CCDC66: variants seen among roughly 807,000 people sequenced by gnomAD.
The protein encoded by CCDC66 is coiled-coil domain containing 66.
CCDC66 carries 133 observed loss-of-function variants against 128.3 expected under a neutral mutation model. The ratio of observed to expected loss-of-function variants is 1.04; its 90% CI spans 0.90 to 1.20. CCDC66 has a LOEUF of 1.20. Among genes scored for constraint, CCDC66 ranks in the 50% most tolerant of loss-of-function variants. The pLI, the probability that CCDC66 is intolerant of heterozygous loss-of-function variation, is 0.00. For missense variants in CCDC66, 1,126 were observed against 1,075.5 expected (o/e 1.05, Z -0.66); for synonymous variants, 387 against 357.0 (o/e 1.08, Z -0.95).
chr3:56,597,792 T>TTTTTTTTTTTTTTTTTTTTTTTTTG (rs2072348913), intron 10 of CCDC66, among the ~76,000 whole-genome samples: 1 of 143,256 alleles, frequency 7.0e-6, no homozygotes, highest in Admixed American at 7.0e-5. Flanking sequence ...TTTTTTTTTT[T>TTTTTTTTTTTTTTTTTTTTTTTTTG]GAGACAGAGC....
chr3:56,621,514 A>AT lies in CCDC66; in HGVS notation c.2761-17dup, dbSNP rs746308275. ...GTGTGCACATTTTACTAACAAACAT[A>AT]TATCAATGTGATTTCAGGGCCTTCT... On this transcript the variant is annotated splice_polypyrimidine_tract_variant and intron_variant, in intron 17 of 17. Coordinates refer to ENST00000394672, the MANE Select transcript of CCDC66 (RefSeq NM_001141947.3). 3 of 1,534,538 alleles carry AT rather than the reference A, an allele frequency of 2.0e-6. No individual in the cohort carries two copies. Among genetic ancestry groups the AT allele is most frequent in the Middle Eastern group, 1.7e-4 (1 of 5,828 alleles).
chr3:56,558,560 GGT>G (rs1294730066), intron 1 of CCDC66, among the ~76,000 whole-genome samples: 4 of 152,146 alleles, frequency 2.6e-5, no homozygotes, highest in East Asian at 1.9e-4. Context: ...ATTAAAAAAT[GGT>G]GGTATGATAA....
rs556605543 is a variant in CCDC66, at chr3:56,558,246, T to G, written c.12-600T>G. Among the ~76,000 whole-genome samples the G allele has an allele frequency of 4.1e-4, 63 of 152,352 alleles. No homozygotes were observed. In the South Asian group the frequency reaches 0.011, roughly 27 times the overall value. On this transcript the variant is annotated intron_variant, in intron 1 of 17. Coordinates refer to ENST00000394672, the MANE Select transcript of CCDC66 (RefSeq NM_001141947.3). ...TATGGGCTGCCATTTTTGTTCTCAG[T>G]GGAGTTTTAGGACCTTAACAGACGT...
chr3:56,564,041 C>G lies in CCDC66; in HGVS notation c.460C>G (p.Gln154Glu), dbSNP rs768856982. 6.2e-7 allele frequency: 1 copy of G among 1,613,982 alleles called. No homozygotes were observed. Among genetic ancestry groups the G allele is most frequent in the South Asian group, 1.1e-5 (1 of 91,082 alleles). ...NMKSSLVCLT[Q>E]DQLQQILMTV... ...GAAGAGCAGTTTGGTGTGTCTAACA[C>G]AAGACCAACTACAACAGATTTTGAT... Residue 154 changes from glutamine (Q) to glutamate (E), a missense_variant, in exon 4 of 18, where the codon CAA becomes GAA. Gln to Glu is a conservative substitution (Grantham distance 29). Coordinates refer to ENST00000394672, the MANE Select transcript of CCDC66 (RefSeq NM_001141947.3).
In CCDC66 at chr3:56,604,576, C is replaced by T. The variant is rs868579110; in HGVS notation, c.1405-9013C>T. On this transcript the variant is annotated intron_variant, in intron 10 of 17. Transcript: ENST00000394672. ...GATATGAAATTCCGGGTTGAAAATT[C>T]TTTTTTTTTTTTAAGAATGTTGAAT... Among the ~76,000 whole-genome samples the T allele has an allele frequency of 7.6e-3, 1,105 of 144,810 alleles. 25 individuals carry two copies. The highest frequency in any genetic ancestry group is 0.026 in the African/African-American group (1,024 of 39,440).
chr3:56,589,393 A>G (rs992719878), intron 7 of CCDC66, among the ~76,000 whole-genome samples: 5 of 152,196 alleles, frequency 3.3e-5, no homozygotes, highest in Non-Finnish European at 7.4e-5. Context: ...TAGGTTGTTT[A>G]TAAGGGTAGT....
At chr3:56,558,699 T>C in intron 1 of CCDC66, 147 bp from the exon 2 acceptor site, 1 of 688,540 alleles carries the variant, frequency 1.5e-6, no homozygotes, top group Non-Finnish European at 2.6e-6. Flanking sequence ...GCAAACGTTT[T>C]TAATTAAAAC....
At chr3:56,580,675 G>A (rs6765870) in intron 7 of CCDC66, among the ~76,000 whole-genome samples, 49,518 of 151,466 alleles carry the variant, frequency 0.33, 8,953 homozygotes, top group East Asian at 0.53. Flanking sequence ...ATGAAGCTTA[G>A]TTTGGCTGGA....
chr3:56,587,263 T>A (rs978697194), intron 7 of CCDC66, among the ~76,000 whole-genome samples: 12 of 151,920 alleles, frequency 7.9e-5, no homozygotes, highest in African/African-American at 2.9e-4. Context: ...TCAACAAATT[T>A]CATAGGTTCA....
intron 10 of CCDC66, among the ~76,000 whole-genome samples, chr3:56,598,009 C>T (rs944087727): frequency 6.6e-6 from 1 of 151,730 alleles, no homozygotes; most frequent in African/African-American, 2.4e-5. Flanking sequence ...CTCCTGACCT[C>T]AGGTGATCCA....
intron 16 of CCDC66, 35 bp from the exon 17 acceptor site, chr3:56,619,742 T>C (rs965140869): frequency 1.9e-6 from 3 of 1,610,316 alleles, no homozygotes; most frequent in Admixed American, 3.4e-5. Flanking sequence ...TTTACTAATG[T>C]AATTGACTGA....
rs1421834621 is a variant in CCDC66, at chr3:56,621,512, A to G, written c.2761-20A>G. 6.6e-7 allele frequency: 1 copy of G among 1,519,822 alleles called. No homozygotes were observed. The highest frequency in any genetic ancestry group is 9.0e-7 in the Non-Finnish European group (1 of 1,113,506). 94.1% of individuals were successfully genotyped at this position (1,519,822 alleles called of 1,614,324 possible). Reference sequence around the variant, plus strand: ...AGGTGTGCACATTTTACTAACAAACATATATCAATGTGATTTCAGGGCCTT... The same window carrying G: ...AGGTGTGCACATTTTACTAACAAACGTATATCAATGTGATTTCAGGGCCTT... On this transcript the variant is annotated intron_variant, in intron 17 of 17. Coordinates refer to ENST00000394672, the MANE Select transcript of CCDC66 (RefSeq NM_001141947.3).
chr3:56,597,182 C>G (rs2107029652), intron 10 of CCDC66, among the ~76,000 whole-genome samples: 1 of 152,128 alleles, frequency 6.6e-6, no homozygotes, highest in East Asian at 1.9e-4. Flanking sequence ...ATGTTCTTGA[C>G]ACTTTTGTTG....
At chr3:56,621,495 A>G in intron 17 of CCDC66, 37 bp from the exon 18 acceptor site, 1 of 1,300,334 alleles carries the variant, frequency 7.7e-7, no homozygotes. Flanking sequence ...TCAGGTGTGC[A>G]CATTTTACTA....
intron 7 of CCDC66, among the ~76,000 whole-genome samples, chr3:56,578,419 G>T (rs1252505000): frequency 6.6e-6 from 1 of 151,650 alleles, no homozygotes; most frequent in East Asian, 2.0e-4. Context: ...ATACCTGATT[G>T]CCCTGGCCAG....
At chr3:56,577,862 A>C (rs1273020936) in intron 7 of CCDC66, among the ~76,000 whole-genome samples, 1 of 151,870 alleles carries the variant, frequency 6.6e-6, no homozygotes, top group Non-Finnish European at 1.5e-5. Context: ...TGATGCCTCC[A>C]GCTTTGTTCT....
In CCDC66 at chr3:56,564,012, A is replaced by G. The variant is rs773613935; in HGVS notation, c.431A>G (p.Asn144Ser). 8 of 1,614,048 alleles carry G rather than the reference A, an allele frequency of 5.0e-6. No homozygotes were observed. In the South Asian group the frequency reaches 7.7e-5, roughly 16 times the overall value. Reference sequence around the variant, plus strand: ...CACAAAAAACACATCACAGCTGAAAACATGAAGAGCAGTTTGGTGTGTCTA... The same window carrying G: ...CACAAAAAACACATCACAGCTGAAAGCATGAAGAGCAGTTTGGTGTGTCTA... The part of the protein sequence containing the change: ...KPHKKHITAE[N>S]MKSSLVCLTQ... Residue 144 changes from asparagine (N) to serine (S), a missense_variant, in exon 4 of 18, where the codon AAC (asparagine) becomes AGC (serine). By Grantham distance (46) the Asn-to-Ser change is conservative. Transcript: ENST00000394672.
intron 7 of CCDC66, among the ~76,000 whole-genome samples, chr3:56,574,401 G>A (rs1262899767): frequency 2.0e-5 from 3 of 151,376 alleles, no homozygotes; most frequent in South Asian, 2.1e-4. Flanking sequence ...ATTTGTATGC[G>A]AATGTGGTAC....
In CCDC66 at chr3:56,563,790, A is replaced by G. The variant is rs564843876; in HGVS notation, c.209A>G (p.Lys70Arg). ...TCIGSEKLLQ[K>R]KPVGSETSQA... ...ATTGGGAGTGAAAAACTTTTGCAAA[A>G]GAAGCCAGTTGGTTCAGAAACATCA... The change falls in exon 4 of 18, where the codon AAG becomes AGG. Residue 70 changes from lysine (K) to arginine (R), a missense_variant. Physicochemically the swap from Lys to Arg is conservative, Grantham distance 26. Coordinates refer to ENST00000394672, the MANE Select transcript of CCDC66 (RefSeq NM_001141947.3). 38 of 1,552,152 alleles carry G rather than the reference A, an allele frequency of 2.4e-5. No individual in the cohort carries two copies. Among genetic ancestry groups the G allele is most frequent in the Non-Finnish European group, 3.2e-5 (37 of 1,147,140 alleles).
Sources: gnomAD v4.1 joint callset for allele counts (sites outside exome capture counted in the v4.1 genomes callset) on GRCh38, gnomAD v4.1.1 for gene constraint, MANE v1.5 for transcripts, NCBI Gene and HGNC (gene_info 2026-07-23, HGNC 2026-07-21) for gene names.